The following TNRC18 variants were observed in gnomAD, a reference collection of about 807,000 sequenced individuals.
The protein encoded by TNRC18 is trinucleotide repeat-containing gene 18 protein.
In TNRC18, 69 loss-of-function variants were observed where a neutral mutation model predicts 226.7. That is an observed-to-expected ratio of 0.30 (90% CI 0.25 to 0.37). TNRC18 has a LOEUF of 0.37. Among genes scored for constraint, TNRC18 ranks in the 10% least tolerant of loss-of-function variants. TNRC18 has a pLI of 1.00. For missense variants in TNRC18, 4,754 were observed against 4,256.6 expected, an observed-to-expected ratio of 1.12 and a Z score of -3.25; for synonymous variants, 2,449 against 1,927.6, an observed-to-expected ratio of 1.27 and a Z score of -7.09.
rs539726319 is a variant in TNRC18 at position 5,324,727 on chromosome 7, G to T, written c.6300+369C>A. On this transcript the variant is annotated intron_variant, in intron 20 of 29. Coordinates refer to ENST00000430969, the MANE Select transcript of TNRC18 (RefSeq NM_001080495.3). This position sits in a 1 kb window ranked among gnomAD's most constrained non-coding sequence, Gnocchi z 4.8. ...CAATGGGCTTGAGGAAAAACCACTC[G>T]GGCAGGGGCTAGCAGGTGTGGGGAG... Among the ~76,000 whole-genome samples, 291 of 152,220 alleles carry T rather than the reference G, an allele frequency of 1.9e-3. No individual in the cohort carries two copies. Among genetic ancestry groups the T allele is most frequent in the African/African-American group, 6.7e-3 (280 of 41,550 alleles).
chr7:5,318,603 AACAC>A (rs5882053), intron 24 of TNRC18, among the ~76,000 whole-genome samples: 4 of 150,972 alleles, frequency 2.6e-5, no homozygotes, highest in Admixed American at 6.6e-5. Flanking sequence ...GCATGATGAG[AACAC>A]ACACACACAC....
chr7:5,402,134 A>C (rs987922449), intron 2 of TNRC18, among the ~76,000 whole-genome samples: 3 of 144,948 alleles, frequency 2.1e-5, no homozygotes, highest in African/African-American at 7.9e-5. Context: ...AGCTGAGATC[A>C]TGCCACTGTA....
At chr7:5,411,536 A>T (rs1294282473) in intron 2 of TNRC18, among the ~76,000 whole-genome samples, 3 of 151,364 alleles carry the variant, frequency 2.0e-5, no homozygotes, top group Non-Finnish European at 2.9e-5. Flanking sequence ...AAAAAAAAAA[A>T]ATTCCTAGAG....
chr7:5,343,762 T>C (rs1790898499), intron 18 of TNRC18, among the ~76,000 whole-genome samples: 1 of 152,182 alleles, frequency 6.6e-6, no homozygotes, highest in South Asian at 2.1e-4. Context: ...TGTACACTGT[T>C]TTCTCAGACA....
chr7:5,419,075 A>AGCGCAGAAGGT (rs1242127110), intron 2 of TNRC18, among the ~76,000 whole-genome samples: 5 of 152,312 alleles, frequency 3.3e-5, no homozygotes, highest in East Asian at 3.9e-4. Flanking sequence ...GCTCCCAGCG[A>AGCGCAGAAGGT]GCGCAGAAGG....
At chr7:5,337,851 G>A (rs934244429) in intron 18 of TNRC18, among the ~76,000 whole-genome samples, 2 of 151,904 alleles carry the variant, frequency 1.3e-5, no homozygotes, top group African/African-American at 4.8e-5. Context: ...GGCGAGGTGG[G>A]AGGTGCCTGT....
rs1253415808 is a variant in TNRC18 at position 5,374,241 on chromosome 7, C to T, written c.3043G>A (p.Val1015Met). 7.3e-6 allele frequency: 11 copies of T among 1,499,070 alleles called. No homozygotes were observed. Among genetic ancestry groups the T allele is most frequent in the South Asian group, 1.3e-5 (1 of 75,542 alleles). 92.9% of individuals were successfully genotyped at this position (1,499,070 alleles called of 1,614,324 possible). A position where few individuals can be genotyped will look rare whatever the true frequency, so the allele number is the denominator to read the frequency against. ...KAKVIQKLED[V>M]SKPPAYAYPA... ...TAGGCGTAGGCGGGTGGCTTGGACACGTCCTCCAGCTTCTGGATGACCTTG... is the reference window on the plus strand; with the variant it reads ...TAGGCGTAGGCGGGTGGCTTGGACATGTCCTCCAGCTTCTGGATGACCTTG... The change falls in exon 10 of 30, where the codon GTG becomes ATG. Residue 1015 changes from valine (V) to methionine (M), a missense_variant. Transcript: ENST00000430969.
chr7:5,308,000 G>C lies in TNRC18; in HGVS notation c.*106C>G, dbSNP rs1786731650. The C allele has an allele frequency of 9.4e-7, 1 of 1,065,424 alleles. No individual in the cohort carries two copies. The highest frequency in any genetic ancestry group is 2.3e-5 in the Admixed American group (1 of 42,598). 66.0% of individuals were successfully genotyped at this position (1,065,424 alleles called of 1,614,324 possible). ...CCTGGCCCCATGCACACGCCTGCAG[G>C]AGCGCTCGCATGCACACAACGCACG... On this transcript the variant is annotated 3_prime_UTR_variant, in exon 30 of 30. Transcript: ENST00000430969.
At chr7:5,422,988 G>GAA (rs2128227170) in intron 1 of TNRC18, 1 of 152,368 alleles carries the variant, frequency 6.6e-6, no homozygotes, top group African/African-American at 2.4e-5. Flanking sequence ...AAGCCCCCTG[G>GAA]AACACCCTCA....
chr7:5,316,815 ACCCACGAGGAGGAGGTGGTTTT>A (rs1317713977), intron 24 of TNRC18, among the ~76,000 whole-genome samples: 4 of 152,128 alleles, frequency 2.6e-5, no homozygotes, highest in Non-Finnish European at 5.9e-5. Context: ...AGGAGGTGAT[ACCCACGAGGAGGAGGTGGTTTT>A]CCTAAGAGAA....
At chr7:5,354,528 G>A (rs1792143627) in intron 16 of TNRC18, among the ~76,000 whole-genome samples, 1 of 151,978 alleles carries the variant, frequency 6.6e-6, no homozygotes. Context: ...CCCTCAGAGT[G>A]ATGAGTCTCT....
At chr7:5,375,031 C>T (rs1166752717) in intron 9 of TNRC18, among the ~76,000 whole-genome samples, 2 of 152,192 alleles carry the variant, frequency 1.3e-5, no homozygotes, top group Non-Finnish European at 2.9e-5. Flanking sequence ...ACACTAGGGG[C>T]CGGGCACAGT....
At chr7:5,344,335 G>A (rs1374450025) in intron 18 of TNRC18, among the ~76,000 whole-genome samples, 2 of 152,206 alleles carry the variant, frequency 1.3e-5, no homozygotes, top group Non-Finnish European at 2.9e-5. Flanking sequence ...GGCCAAGTGT[G>A]CACTCTGAAG....
intron 2 of TNRC18, among the ~76,000 whole-genome samples, chr7:5,395,184 A>C (rs1447458806): frequency 6.6e-6 from 1 of 152,014 alleles, no homozygotes; most frequent in African/African-American, 2.4e-5. Context: ...GAAAGCAGGG[A>C]CTCAGAATGC....
intron 2 of TNRC18, among the ~76,000 whole-genome samples, chr7:5,410,604 G>A (rs577196052): frequency 2.0e-5 from 3 of 151,834 alleles, no homozygotes; most frequent in South Asian, 2.1e-4. Flanking sequence ...AGTGGCTCAC[G>A]CCTGTAATCT....
At chr7:5,420,780 CG>C in intron 2 of TNRC18, 1 of 657,910 alleles carries the variant, frequency 1.5e-6, no homozygotes. Flanking sequence ...GCCGGGGCCC[CG>C]GGGATTGGAA....
intron 10 of TNRC18, among the ~76,000 whole-genome samples, 193 bp downstream of exon 10, chr7:5,373,862 G>A (rs566903771): frequency 6.6e-6 from 1 of 152,230 alleles, no homozygotes; most frequent in Non-Finnish European, 1.5e-5. Flanking sequence ...CGCTGAGGAG[G>A]GGCCGGGGAG....
intron 2 of TNRC18, among the ~76,000 whole-genome samples, chr7:5,417,837 C>G (rs571297887): frequency 2.6e-5 from 4 of 152,178 alleles, no homozygotes; most frequent in Non-Finnish European, 4.4e-5. Flanking sequence ...ACTCTGCCAG[C>G]GGTCTTCACT....
chr7:5,312,899 G>GGAGGATGAGGAC lies in TNRC18; in HGVS notation c.7991_7992insGTCCTCATCCTC (p.Ser2668_Ser2671dup). 7.1e-7 allele frequency: 1 copy of GGAGGATGAGGAC among 1,399,376 alleles called. No individual in the cohort carries two copies. The highest frequency in any genetic ancestry group is 9.6e-7 in the Non-Finnish European group (1 of 1,041,106). 86.7% of individuals were successfully genotyped at this position (1,399,376 alleles called of 1,614,324 possible). A position where few individuals can be genotyped will look rare whatever the true frequency, so the allele number is the denominator to read the frequency against. On this transcript the variant is annotated inframe_insertion, in exon 27 of 30. Coordinates refer to ENST00000430969, the MANE Select transcript of TNRC18 (RefSeq NM_001080495.3). The surrounding 1 kb of genome is among the most constrained non-coding windows in gnomAD (Gnocchi z 6.3). Reference sequence around the variant, plus strand: ...TGGTGGAGGAAGAAGAGGAGGAAGAGGAGGAGGAGGAGGAGGATGAGGACG... The same window carrying GGAGGATGAGGAC: ...TGGTGGAGGAAGAAGAGGAGGAAGAGGAGGATGAGGACGAGGAGGAGGAGGAGGATGAGGACG...
Sources: gnomAD v4.1 joint callset for allele counts (sites outside exome capture counted in the v4.1 genomes callset) on GRCh38, gnomAD v4.1.1 for gene constraint, Gnocchi (gnomAD v3.1) non-coding constraint, MANE v1.5 for transcripts, NCBI Gene and HGNC (gene_info 2026-07-23, HGNC 2026-07-21) for gene names.